DYNC2I1: variants seen among roughly 807,000 people sequenced by gnomAD.
The protein encoded by DYNC2I1 is cytoplasmic dynein 2 intermediate chain 1.
In DYNC2I1, 89 loss-of-function variants were observed where a neutral mutation model predicts 133.4. The observed-to-expected ratio is 0.67, with a 90% CI of 0.56 to 0.80. The LOEUF is 0.80. Ranked by LOEUF, DYNC2I1 falls within the 30% of genes least tolerant of loss-of-function variation. DYNC2I1 has a pLI of 0.00. For missense variants in DYNC2I1, 1,291 were observed against 1,314.5 expected (o/e 0.98, Z 0.28); for synonymous variants, 504 against 484.3 (o/e 1.04, Z -0.54).
intron 1 of DYNC2I1, among the ~76,000 whole-genome samples, chr7:158,861,012 A>C (rs1841826242): frequency 6.6e-6 from 1 of 152,330 alleles, no homozygotes; most frequent in South Asian, 2.1e-4. Context: ...ATTCTTGACG[A>C]AAGTTTAACA....
rs1228443996 is a variant in DYNC2I1, at chr7:158,923,657, A to G, written c.2181A>G (p.Arg727=). The change falls in exon 17 of 25, where the codon AGA becomes AGG. Residue 727 remains arginine, a synonymous_variant. Transcript: ENST00000407559. ...GCTCAGTTGTCGTCTGGGATTTGAG[A>G]GAAGACTCAAGGCTGCATTACTCTG... is the stretch of plus-strand genomic sequence containing the variant. ...AHGSVVVWDL[R]EDSRLHYSVT... 2.4e-5 allele frequency: 38 copies of G among 1,613,826 alleles called. No individual in the cohort carries two copies. Among genetic ancestry groups the G allele is most frequent in the Non-Finnish European group, 3.0e-5 (35 of 1,179,900 alleles).
At chr7:158,880,125 A>G (rs1275368841) in intron 5 of DYNC2I1, 136 bp downstream of exon 5, 15 of 946,718 alleles carry the variant, frequency 1.6e-5, no homozygotes, top group Non-Finnish European at 2.0e-5. Context: ...AACGCAACTC[A>G]AGTCTTGATT....
At chr7:158,905,913 G>A (rs943837047) in intron 10 of DYNC2I1, 76 bp from the exon 11 acceptor site, 1 of 1,137,890 alleles carries the variant, frequency 8.8e-7, no homozygotes, top group African/African-American at 1.6e-5. Context: ...GCCTATAATT[G>A]TTTTACTCCA....
rs1393751913 is a variant in DYNC2I1 at position 158,915,515 on chromosome 7, A to AT, written c.1791+1195dup. Among the ~76,000 whole-genome samples, 26 of 150,520 alleles carry AT rather than the reference A, an allele frequency of 1.7e-4. 1 individual carries two copies. The highest frequency in any genetic ancestry group is 5.9e-5 in the Non-Finnish European group (4 of 67,282). The stretch of plus-strand genomic sequence containing the variant: ...GTGAAACCTCGACACGGTGGTTGAG[A>AT]TAAAGGATGATGGTGAAACCTCGAC... On this transcript the variant is annotated intron_variant, in intron 14 of 24. Transcript: ENST00000407559.
chr7:158,892,187 GC>G (rs1450159326), intron 8 of DYNC2I1, among the ~76,000 whole-genome samples: 1 of 152,154 alleles, frequency 6.6e-6, no homozygotes, highest in African/African-American at 2.4e-5. Context: ...CAAAATCCTG[GC>G]CAGACATAGG....
chr7:158,859,180 CAA>C (rs1025434625), intron 1 of DYNC2I1, among the ~76,000 whole-genome samples: 1 of 150,362 alleles, frequency 6.7e-6, no homozygotes, highest in African/African-American at 2.5e-5. Flanking sequence ...CCTTTTTAGA[CAA>C]GAGTATATGT....
chr7:158,894,423 G>A (rs1007863599), intron 8 of DYNC2I1, among the ~76,000 whole-genome samples: 1 of 152,196 alleles, frequency 6.6e-6, no homozygotes, highest in African/African-American at 2.4e-5. Context: ...GTTGCAGATT[G>A]TCTGTAGTTA....
chr7:158,934,437 C>T lies in DYNC2I1; in HGVS notation c.2666C>T (p.Thr889Ile), dbSNP rs187037474. The part of the protein sequence containing the change: ...GTDMGLISHG[T>I]RQDLRVAPKL... The stretch of plus-strand genomic sequence containing the variant: ...TCACAGGGTCTCATAAGCCATGGCA[C>T]AAGACAAGATTTGAGAGTGGCTCCC... The change falls in exon 23 of 25, where the codon ACA becomes ATA. Residue 889 changes from threonine (T) to isoleucine (I), a missense_variant. Thr to Ile is a moderately conservative substitution (Grantham distance 89, BLOSUM62 -1). Transcript: ENST00000407559. 66 of 1,602,622 alleles carry T rather than the reference C, an allele frequency of 4.1e-5. No individual in the cohort carries two copies. The African/African-American group carries it at 6.5e-4, about 16-fold the overall frequency.
At chr7:158,894,242 A>G (rs1293148627) in intron 8 of DYNC2I1, among the ~76,000 whole-genome samples, 1 of 152,116 alleles carries the variant, frequency 6.6e-6, no homozygotes, top group African/African-American at 2.4e-5. Flanking sequence ...ATCGTACTGC[A>G]TGTCACACCA....
intron 7 of DYNC2I1, among the ~76,000 whole-genome samples, chr7:158,890,821 G>A (rs187095772): frequency 2.6e-5 from 4 of 152,028 alleles, no homozygotes; most frequent in Non-Finnish European, 5.9e-5. Context: ...TGATCCGCCC[G>A]CCTCGGCCTC....
chr7:158,861,017 T>G (rs1841827022), intron 1 of DYNC2I1, among the ~76,000 whole-genome samples: 1 of 152,226 alleles, frequency 6.6e-6, no homozygotes, highest in Non-Finnish European at 1.5e-5. Flanking sequence ...TGACGAAAGT[T>G]TAACACTGCT....
In DYNC2I1 at chr7:158,880,073, A is replaced by G; in HGVS notation, c.879+84A>G. 3.4e-6 allele frequency: 5 copies of G among 1,482,312 alleles called. No individual in the cohort carries two copies. The South Asian group carries it at 7.0e-5, about 21-fold the overall frequency. 91.8% of individuals were successfully genotyped at this position (1,482,312 alleles called of 1,614,324 possible). On this transcript the variant is annotated intron_variant, in intron 5 of 24. Coordinates refer to ENST00000407559, the MANE Select transcript of DYNC2I1 (RefSeq NM_018051.5). ...GAGGCTTACCGGGCGGTGTCGCCAG[A>G]CAAGGTTGAGATTTGTGGCCTAGTA...
At chr7:158,956,971 A>G (rs1297849025), downstream of DYNC2I1, among the ~76,000 whole-genome samples, 4 of 152,044 alleles carry the variant, frequency 2.6e-5, no homozygotes, top group African/African-American at 9.7e-5. Context: ...CTCACCCGGC[A>G]TCGGGCTCCT....
chr7:158,906,765 A>T (rs1369001770), intron 11 of DYNC2I1, among the ~76,000 whole-genome samples: 2 of 152,198 alleles, frequency 1.3e-5, no homozygotes, highest in Non-Finnish European at 2.9e-5. Flanking sequence ...GCCAAAAAAT[A>T]AAGATTTTTA....
intron 6 of DYNC2I1, 138 bp from the exon 7 acceptor site, chr7:158,886,883 A>C (rs1844658815): frequency 2.6e-6 from 2 of 780,376 alleles, no homozygotes; most frequent in Non-Finnish European, 4.2e-6. Flanking sequence ...TTACAGGTGC[A>C]AGTCATCGCT....
intron 15 of DYNC2I1, among the ~76,000 whole-genome samples, chr7:158,920,893 C>G (rs982609927): frequency 6.6e-6 from 1 of 152,222 alleles, no homozygotes; most frequent in African/African-American, 2.4e-5. Context: ...TATTAAAACA[C>G]GCGGCAGAAT....
chr7:158,894,112 T>TGCATATCATACCGCATATCATACC (rs1554455751), intron 8 of DYNC2I1, among the ~76,000 whole-genome samples: 2 of 48,632 alleles, frequency 4.1e-5, no homozygotes, highest in African/African-American at 1.1e-4. Context: ...CATATCCTAC[T>TGCATATCATACCGCATATCATACC]GCATATCCTA....
intron 16 of DYNC2I1, 31 bp downstream of exon 16, chr7:158,922,580 A>G (rs1365790407): frequency 5.0e-6 from 8 of 1,599,752 alleles, no homozygotes; most frequent in Non-Finnish European, 6.8e-6. Context: ...CGCACGTTTG[A>G]TGGGAGGATG....
chr7:158,905,245 A>C, intron 10 of DYNC2I1: 1 of 356,906 alleles, frequency 2.8e-6, no homozygotes, highest in Non-Finnish European at 5.3e-6. Context: ...GATTCAAGCG[A>C]TTCTTCTGCT....
Sources: allele counts gnomAD v4.1 joint callset (sites outside exome capture counted in the v4.1 genomes callset), GRCh38; gene constraint gnomAD v4.1.1; transcripts MANE v1.5; gene names NCBI Gene and HGNC (gene_info 2026-07-23, HGNC 2026-07-21).